The following ITPK1 variants were observed in gnomAD, a reference collection of about 807,000 sequenced individuals.
ITPK1 encodes the protein inositol-tetrakisphosphate 1-kinase.
ITPK1 carries 21 observed loss-of-function variants against 45.3 expected under a neutral mutation model. The observed-to-expected ratio is 0.46, with a 90% confidence interval of 0.33 to 0.67. The LOEUF is 0.67. ITPK1 is among the 30% of genes least tolerant of loss of function. ITPK1 has a pLI of 0.02. For missense variants in ITPK1, 474 were observed against 573.5 expected (o/e 0.83, Z 1.77); for synonymous variants, 258 against 253.6 (o/e 1.02, Z -0.16).
At chr14:93,067,005 T>A (rs1253090167) in intron 3 of ITPK1, among the ~76,000 whole-genome samples, 2 of 152,156 alleles carry the variant, frequency 1.3e-5, no homozygotes, top group African/African-American at 2.4e-5. Context: ...AGTTTCTCCA[T>A]CTGCACCCAG....
chr14:93,084,347 C>T (rs746628103), intron 2 of ITPK1, among the ~76,000 whole-genome samples: 5 of 152,228 alleles, frequency 3.3e-5, no homozygotes, highest in Admixed American at 6.5e-5. Flanking sequence ...TTTTGATTGT[C>T]ACACCGAGGA....
chr14:93,051,220 C>T (rs1889992963), intron 3 of ITPK1, among the ~76,000 whole-genome samples: 1 of 152,204 alleles, frequency 6.6e-6, no homozygotes, highest in Non-Finnish European at 1.5e-5. Flanking sequence ...AGCTGAATAT[C>T]CCAGGATTCT....
At chr14:93,013,112 G>A (rs1490674367) in intron 4 of ITPK1, among the ~76,000 whole-genome samples, 5 of 152,164 alleles carry the variant, frequency 3.3e-5, no homozygotes, top group Non-Finnish European at 5.9e-5. Flanking sequence ...TTGCCCACGT[G>A]GGCAGGCCCT....
At chr14:93,073,294 C>A in intron 3 of ITPK1, among the ~76,000 whole-genome samples, 1 of 152,242 alleles carries the variant, frequency 6.6e-6, no homozygotes, top group East Asian at 1.9e-4. Flanking sequence ...CAATCCTCTG[C>A]AGAGGTGGGA....
At chr14:93,083,116 G>A (rs1019371343) in intron 2 of ITPK1, among the ~76,000 whole-genome samples, 27 of 152,220 alleles carry the variant, frequency 1.8e-4, no homozygotes, top group Admixed American at 1.4e-3. Context: ...CAGGGCAGAA[G>A]TAGAAAAGAG....
chr14:93,060,120 G>A (rs549198926), intron 3 of ITPK1, among the ~76,000 whole-genome samples: 2 of 152,166 alleles, frequency 1.3e-5, no homozygotes, highest in East Asian at 3.9e-4. Context: ...GACATGCCTG[G>A]GCAGTGGCTG....
At chr14:93,028,203 G>A (rs1595150245) in intron 3 of ITPK1, among the ~76,000 whole-genome samples, 2 of 152,218 alleles carry the variant, frequency 1.3e-5, no homozygotes, top group African/African-American at 2.4e-5. Flanking sequence ...GATGAACAGC[G>A]TGCCTTCCCT....
At chr14:93,040,606 C>T (rs186874117) in intron 3 of ITPK1, among the ~76,000 whole-genome samples, 31 of 152,338 alleles carry the variant, frequency 2.0e-4, no homozygotes, top group South Asian at 8.3e-4. Context: ...GCTTCCTGCA[C>T]GCAGTCCCTC....
At position 92,943,719 on chromosome 14, in the gene ITPK1, C is replaced by T. The variant is rs117803521; in HGVS notation, c.902-1815G>A. Among the ~76,000 whole-genome samples the T allele has an allele frequency of 2.8e-3, 423 of 152,332 alleles. 1 individual carries two copies. Among genetic ancestry groups the T allele is most frequent in the Admixed American group, 4.7e-3 (72 of 15,312 alleles). On this transcript the variant is annotated intron_variant, in intron 10 of 10. Transcript: ENST00000267615. ...GGAGGCCTGAGGATAAACAGGAGCT[C>T]GGGGAGCGGACTGAGGCATGAACCT... is the stretch of plus-strand genomic sequence containing the variant.
intron 3 of ITPK1, among the ~76,000 whole-genome samples, chr14:93,033,843 C>A (rs1182346409): frequency 2.0e-5 from 3 of 152,010 alleles, no homozygotes; most frequent in Non-Finnish European, 4.4e-5. Context: ...TCGGGCAGCA[C>A]AGGGGTAGCT....
In ITPK1 at chr14:93,115,241, G is replaced by A. The variant is rs770298732; in HGVS notation, c.-78C>T. 9.2e-6 allele frequency: 9 copies of A among 978,962 alleles called. No homozygotes were observed. In the African/African-American group the frequency reaches 1.2e-4, roughly 13 times the overall value. 60.6% of individuals were successfully genotyped at this position (978,962 alleles called of 1,614,324 possible). On this transcript the variant is annotated 5_prime_UTR_variant, in exon 2 of 11. Transcript: ENST00000267615. ...GTCTGGCGGCCGGCGCGCGCCGCGA[G>A]CGAGTGGGCACCTCCTCCCGGCGGC...
At chr14:92,977,126 G>GC in intron 5 of ITPK1, among the ~76,000 whole-genome samples, 1 of 152,314 alleles carries the variant, frequency 6.6e-6, no homozygotes, top group East Asian at 1.9e-4. Context: ...GATCAAACAG[G>GC]TTAACACACA....
At chr14:93,001,914 G>A (rs975082140) in intron 4 of ITPK1, among the ~76,000 whole-genome samples, 8 of 152,278 alleles carry the variant, frequency 5.3e-5, no homozygotes, top group East Asian at 1.9e-4. Context: ...GCATCTTGAC[G>A]GGGGTCCTGC....
At chr14:93,082,460 C>G (rs547381606) in intron 2 of ITPK1, among the ~76,000 whole-genome samples, 6 of 152,188 alleles carry the variant, frequency 3.9e-5, no homozygotes, top group Non-Finnish European at 8.8e-5. Flanking sequence ...TACCTTGTGC[C>G]TCTGTTTTCT....
rs570342183 is a variant in ITPK1 at position 93,000,691 on chromosome 14, T to A, written c.247-6694A>T. Among the ~76,000 whole-genome samples, 206 of 152,290 alleles carry A rather than the reference T, an allele frequency of 1.4e-3. 1 individual carries two copies. Among genetic ancestry groups the A allele is most frequent in the African/African-American group, 4.9e-3 (203 of 41,558 alleles). On this transcript the variant is annotated intron_variant, in intron 4 of 10. Transcript: ENST00000267615. ...GCTAAACGTTAGTGAACTCGACATA[T>A]CACTGTGGCTCGCGGTGGCTTGCGC... is the stretch of plus-strand genomic sequence containing the variant.
In ITPK1 at chr14:93,085,747, C is replaced by T. The variant is rs573793036; in HGVS notation, c.96-9128G>A. ...ATCCTGACTTCTTGCTGATCACAAA[C>T]GTTAAATCTATTCCCTTAATGGCTC... On this transcript the variant is annotated intron_variant, in intron 2 of 10. Transcript: ENST00000267615. 1.2e-4 allele frequency among the ~76,000 whole-genome samples: 18 copies of T among 152,338 alleles called. 1 individual carries two copies. In the Middle Eastern group the frequency reaches 0.01, roughly 86 times the overall value.
At chr14:93,007,146 C>CCCAAGGT (rs1353155385) in intron 4 of ITPK1, among the ~76,000 whole-genome samples, 1 of 152,222 alleles carries the variant, frequency 6.6e-6, no homozygotes, top group East Asian at 1.9e-4. Flanking sequence ...GGGCTGCCTG[C>CCCAAGGT]CCAAGGTCAC....
At chr14:93,006,176 C>T (rs1281119978) in intron 4 of ITPK1, among the ~76,000 whole-genome samples, 1 of 152,196 alleles carries the variant, frequency 6.6e-6, no homozygotes, top group Non-Finnish European at 1.5e-5. Context: ...CACTTAGGAT[C>T]CATCAGACTC....
At position 92,941,477 on chromosome 14, in the gene ITPK1, A is replaced by G. The variant is rs1033511048; in HGVS notation, c.*84T>C. ...AAGAATCAGATCACTGGGGATTCTT[A>G]GTAGTAGCATCGCCGTTGGGAGCTG... On this transcript the variant is annotated 3_prime_UTR_variant, in exon 11 of 11. Coordinates refer to ENST00000267615, the MANE Select transcript of ITPK1 (RefSeq NM_014216.6). 2.8e-6 allele frequency: 4 copies of G among 1,440,240 alleles called. No homozygotes were observed. The highest frequency in any genetic ancestry group is 3.6e-6 in the Non-Finnish European group (4 of 1,104,434). 89.2% of individuals were successfully genotyped at this position (1,440,240 alleles called of 1,614,324 possible).
Sources: gnomAD v4.1 joint callset for allele counts (sites outside exome capture counted in the v4.1 genomes callset) on GRCh38, gnomAD v4.1.1 for gene constraint, MANE v1.5 for transcripts, NCBI Gene and HGNC (gene_info 2026-07-23, HGNC 2026-07-21) for gene names.